Variants in KCNH7 observed in about 807,000 individuals in gnomAD.
KCNH7 encodes potassium voltage-gated channel subfamily H member 7.
KCNH7 carries 49 observed loss-of-function variants against 120.8 expected under a neutral mutation model. That is an observed-to-expected ratio of 0.41 (90% confidence interval 0.32 to 0.51). The LOEUF (loss-of-function observed/expected upper bound fraction) is 0.51. Among genes scored for constraint, KCNH7 ranks in the 20% least tolerant of loss-of-function variants. KCNH7 has a pLI of 0.38. For missense variants in KCNH7, 1,097 were observed against 1,446.6 expected (o/e 0.76, Z 3.92); for synonymous variants, 547 against 516.1 (o/e 1.06, Z -0.81).
At position 162,500,177 on chromosome 2, in the gene KCNH7, A is replaced by G. The variant is rs148334837; in HGVS notation, c.1128+4266T>C. Among the ~76,000 whole-genome samples, 1,252 of 148,116 alleles carry G rather than the reference A, an allele frequency of 8.5e-3. 28 individuals carry two copies. Among genetic ancestry groups the G allele is most frequent in the African/African-American group, 0.028 (1,160 of 40,804 alleles). On this transcript the variant is annotated intron_variant, in intron 6 of 15. Transcript: ENST00000332142. The stretch of plus-strand genomic sequence containing the variant: ...ATTGATATACATTTATATGTTATAT[A>G]CAATACATATATTATATACATTACA...
chr2:162,541,659 T>C (rs1692305990), intron 2 of KCNH7, among the ~76,000 whole-genome samples: 1 of 151,876 alleles, frequency 6.6e-6, no homozygotes, highest in Non-Finnish European at 1.5e-5. Flanking sequence ...TAGATACATG[T>C]GGGGGAACAA....
At chr2:162,572,057 A>G (rs1693498868) in intron 2 of KCNH7, among the ~76,000 whole-genome samples, 3 of 152,120 alleles carry the variant, frequency 2.0e-5, no homozygotes, top group East Asian at 1.9e-4. Context: ...GGATCTAATT[A>G]AAGTAAAGAG....
intron 6 of KCNH7, among the ~76,000 whole-genome samples, chr2:162,491,268 C>T (rs1023258475): frequency 1.3e-5 from 2 of 152,226 alleles, no homozygotes; most frequent in African/African-American, 4.8e-5. Context: ...GCATTGTCCC[C>T]ACCCTGCACT....
intron 6 of KCNH7, among the ~76,000 whole-genome samples, chr2:162,499,982 T>C (rs1353665675): frequency 2.0e-5 from 3 of 151,978 alleles, no homozygotes; most frequent in African/African-American, 4.8e-5. Flanking sequence ...TGTTTACCCA[T>C]AGAAAAATAC....
intron 2 of KCNH7, among the ~76,000 whole-genome samples, chr2:162,619,650 ATATC>A (rs975576240): frequency 8.5e-4 from 129 of 152,070 alleles, no homozygotes; most frequent in African/African-American, 2.9e-3. Context: ...GCCAATATAT[ATATC>A]TATCAATGGT....
At chr2:162,712,267 GT>G (rs141319886) in intron 2 of KCNH7, among the ~76,000 whole-genome samples, 14 of 149,386 alleles carry the variant, frequency 9.4e-5, no homozygotes, top group East Asian at 2.0e-4. Context: ...TGTGATGCAC[GT>G]TTTTTTTTTC....
intron 2 of KCNH7, among the ~76,000 whole-genome samples, chr2:162,545,320 C>T (rs1692442455): frequency 6.6e-6 from 1 of 152,148 alleles, no homozygotes; most frequent in South Asian, 2.1e-4. Flanking sequence ...CTCTGAAGTC[C>T]TATTTTAGAG....
intron 2 of KCNH7, among the ~76,000 whole-genome samples, chr2:162,740,002 A>G (rs1315408058): frequency 6.6e-6 from 1 of 152,206 alleles, no homozygotes. Flanking sequence ...TTCACAGACC[A>G]GTGCCCCAAG....
At chr2:162,673,053 TTA>T (rs1009068863) in intron 2 of KCNH7, among the ~76,000 whole-genome samples, 1 of 152,036 alleles carries the variant, frequency 6.6e-6, no homozygotes, top group African/African-American at 2.4e-5. Flanking sequence ...TATCAATACT[TTA>T]TAATAGTTCC....
chr2:162,809,855 G>C (rs1440893914), intron 2 of KCNH7, among the ~76,000 whole-genome samples: 1 of 151,418 alleles, frequency 6.6e-6, no homozygotes, highest in Non-Finnish European at 1.5e-5. Context: ...AATTTTAGTT[G>C]CTATCGATTT....
At chr2:162,626,533 G>A (rs1215638232) in intron 2 of KCNH7, among the ~76,000 whole-genome samples, 1 of 152,134 alleles carries the variant, frequency 6.6e-6, no homozygotes, top group African/African-American at 2.4e-5. Flanking sequence ...AAAAATAAAT[G>A]ACTGCCATGT....
chr2:162,798,428 A>C (rs1414841371), intron 2 of KCNH7, among the ~76,000 whole-genome samples: 1 of 152,082 alleles, frequency 6.6e-6, no homozygotes, highest in Non-Finnish European at 1.5e-5. Context: ...GAATTTTAGA[A>C]AATTATACAC....
At chr2:162,625,944 A>G (rs1387937789) in intron 2 of KCNH7, among the ~76,000 whole-genome samples, 1 of 152,132 alleles carries the variant, frequency 6.6e-6, no homozygotes, top group East Asian at 1.9e-4. Flanking sequence ...AAAAAATTAC[A>G]TAATTATGTC....
At chr2:162,642,225 G>A (rs927667012) in intron 2 of KCNH7, among the ~76,000 whole-genome samples, 1 of 152,142 alleles carries the variant, frequency 6.6e-6, no homozygotes, top group Non-Finnish European at 1.5e-5. Context: ...TCACAACTCA[G>A]CTAGTATATT....
intron 7 of KCNH7, among the ~76,000 whole-genome samples, chr2:162,436,801 A>C (rs1301887273): frequency 1.3e-5 from 2 of 152,150 alleles, no homozygotes. Flanking sequence ...ACTAAATATT[A>C]AAAAAGCTTT....
chr2:162,403,952 A>G (rs1376985742), intron 9 of KCNH7, among the ~76,000 whole-genome samples: 1 of 151,932 alleles, frequency 6.6e-6, no homozygotes, highest in African/African-American at 2.4e-5. Flanking sequence ...GCTTAAGAAG[A>G]TATTTATCCA....
intron 2 of KCNH7, among the ~76,000 whole-genome samples, chr2:162,771,670 T>A (rs2105473158): frequency 6.6e-6 from 1 of 152,282 alleles, no homozygotes; most frequent in South Asian, 2.1e-4. Context: ...TTAAACAATT[T>A]ACATGTGACT....
chr2:162,763,020 G>C (rs753569359), intron 2 of KCNH7, among the ~76,000 whole-genome samples: 1 of 152,018 alleles, frequency 6.6e-6, no homozygotes, highest in Non-Finnish European at 1.5e-5. Flanking sequence ...ACAATGGATA[G>C]AACAGAGATA....
At position 162,473,079 on chromosome 2, in the gene KCNH7, G is replaced by T. The variant is rs534644525; in HGVS notation, c.1129-26636C>A. ...CACACCGGGGCCTGTTGTGGGGTAGGGGGAGAGGGGAGGGATAGCATTAGG... is the reference window on the plus strand; with the variant it reads ...CACACCGGGGCCTGTTGTGGGGTAGTGGGAGAGGGGAGGGATAGCATTAGG... On this transcript the variant is annotated intron_variant, in intron 6 of 15. Coordinates refer to ENST00000332142, the MANE Select transcript of KCNH7 (RefSeq NM_033272.4). Among the ~76,000 whole-genome samples, 664 of 152,146 alleles carry T rather than the reference G, an allele frequency of 4.4e-3. 5 individuals are homozygous for T. The highest frequency in any genetic ancestry group is 0.015 in the African/African-American group (642 of 41,502).
Sources: gnomAD v4.1 joint callset for allele counts (sites outside exome capture counted in the v4.1 genomes callset) on GRCh38, gnomAD v4.1.1 for gene constraint, MANE v1.5 for transcripts, NCBI Gene and HGNC (gene_info 2026-07-23, HGNC 2026-07-21) for gene names.